Variants in INAVA observed in about 807,000 individuals in gnomAD.
The protein encoded by INAVA is innate immunity activator protein.
A neutral mutation model predicts 55.3 loss-of-function variants in INAVA; 32 were observed. The ratio of observed to expected loss-of-function variants is 0.58; its 90% CI spans 0.44 to 0.78. The LOEUF is 0.78. INAVA is among the 30% of genes least tolerant of loss of function. The probability of loss-of-function intolerance (pLI) is 0.00; values close to 1 mark genes in which losing one functional copy is unlikely to be tolerated. For missense variants in INAVA, 756 were observed against 786.4 expected (o/e 0.96, Z 0.46); for synonymous variants, 294 against 329.4 (o/e 0.89, Z 1.16).
rs897646225 is a variant in INAVA at position 200,901,134 on chromosome 1, G to A, written c.495G>A (p.Pro165=). The change falls in exon 5 of 10, where the codon CCG becomes CCA. Residue 165 remains proline, a synonymous_variant. Transcript: ENST00000413687. ...VERRRNSEPP[P]AAALPLGREL... is the part of the protein sequence containing the mutation. ...GGCGGCGCAATAGCGAGCCACCTCC[G>A]GCTGCTGCTCTCCCCCTGGGCCGAG... 7 of 1,525,102 alleles carry A rather than the reference G, an allele frequency of 4.6e-6. No homozygotes were observed. In the Admixed American group the frequency reaches 9.9e-5, roughly 22 times the overall value. 94.5% of individuals were successfully genotyped at this position (1,525,102 alleles called of 1,614,324 possible).
At chr1:200,902,241 G>A (rs1653291751) in intron 5 of INAVA, among the ~76,000 whole-genome samples, 2 of 152,226 alleles carry the variant, frequency 1.3e-5, no homozygotes, top group African/African-American at 4.8e-5. Context: ...GCAGTCATGG[G>A]GAAGCTGGAA....
At chr1:200,894,082 G>A (rs1490414136), upstream of INAVA, among the ~76,000 whole-genome samples, 1 of 152,170 alleles carries the variant, frequency 6.6e-6, no homozygotes, top group Non-Finnish European at 1.5e-5. Flanking sequence ...CCATTTGCTT[G>A]GGGGTCGGTG....
intron 6 of INAVA, 73 bp downstream of exon 6, chr1:200,907,960 G>C: frequency 7.5e-7 from 1 of 1,341,482 alleles, no homozygotes; most frequent in Non-Finnish European, 1.1e-6. Context: ...TGGGCAGTTT[G>C]CTGGTGTGGA....
Position 200,894,964 on chromosome 1 carries a change from G to A in INAVA, c.-218G>A, listed in dbSNP as rs528287576. 6.9e-5 allele frequency: 68 copies of A among 985,740 alleles called. No homozygotes were observed. Among genetic ancestry groups the A allele is most frequent in the African/African-American group, 5.6e-4 (32 of 57,348 alleles). 61.1% of individuals were successfully genotyped at this position (985,740 alleles called of 1,614,324 possible). The stretch of plus-strand genomic sequence containing the variant: ...AGACGGACGGACGGCCAGCAGCTCC[G>A]TCAGCTGGAGAGAGAGCACAGGCCT... On this transcript the variant is annotated 5_prime_UTR_variant, in exon 1 of 10. Coordinates refer to ENST00000413687, the MANE Select transcript of INAVA (RefSeq NM_001142569.3).
upstream of INAVA, among the ~76,000 whole-genome samples, chr1:200,892,900 AT>A (rs1383085600): frequency 1.3e-5 from 2 of 152,230 alleles, no homozygotes; most frequent in Non-Finnish European, 2.9e-5. Flanking sequence ...CAAAGGATCA[AT>A]GCAAACAGTG....
rs751875030 is a variant in INAVA, at chr1:200,911,489, T to G, written c.996T>G (p.Gly332=). 6.2e-7 allele frequency: 1 copy of G among 1,613,236 alleles called. No individual in the cohort carries two copies. Among genetic ancestry groups the G allele is most frequent in the Non-Finnish European group, 8.5e-7 (1 of 1,179,714 alleles). The change falls in exon 9 of 10, where the codon GGT becomes GGG. Residue 332 remains glycine (G), a synonymous_variant. Coordinates refer to ENST00000413687, the MANE Select transcript of INAVA (RefSeq NM_001142569.3). ...DSFRAGPEGR[G]RSAFPRRRPT... ...TCCGGGCGGGTCCTGAGGGCCGAGG[T>G]CGCAGCGCCTTTCCCCGCCGCCGCC...
At chr1:200,913,396 G>T (rs955377584) in intron 9 of INAVA, 141 bp from the exon 10 acceptor site, 65 of 650,734 alleles carry the variant, frequency 1.0e-4, no homozygotes, top group Non-Finnish European at 1.6e-4. Flanking sequence ...GGAGGAAGGG[G>T]CTGAGTGCCA....
chr1:200,899,616 C>T lies in INAVA; in HGVS notation c.180+19C>T, dbSNP rs915109740. The T allele has an allele frequency of 4.3e-6, 7 of 1,610,566 alleles. No homozygotes were observed. The African/African-American group carries it at 8.0e-5, about 18-fold the overall frequency. On this transcript the variant is annotated intron_variant, in intron 3 of 9. Coordinates refer to ENST00000413687, the MANE Select transcript of INAVA (RefSeq NM_001142569.3). ...GGAAGCGGTGAGGCCCCAGCCAGCACACACAAGCATCGGGTTCATCTCAGG... is the reference window on the plus strand; with the variant it reads ...GGAAGCGGTGAGGCCCCAGCCAGCATACACAAGCATCGGGTTCATCTCAGG...
intron 5 of INAVA, 73 bp from the exon 6 acceptor site, chr1:200,907,761 G>C: frequency 5.4e-6 from 7 of 1,295,278 alleles, no homozygotes; most frequent in Non-Finnish European, 7.8e-6. Context: ...GAGCTGCTCA[G>C]CACTGCTGGT....
upstream of INAVA, among the ~76,000 whole-genome samples, chr1:200,892,664 G>A (rs748941281): frequency 1.6e-4 from 25 of 152,190 alleles, no homozygotes; most frequent in Non-Finnish European, 2.6e-4. Context: ...TCCCCGGCCT[G>A]ACTGGAGTGG....
At chr1:200,901,586 T>A (rs530820336) in intron 5 of INAVA, among the ~76,000 whole-genome samples, 1 of 152,270 alleles carries the variant, frequency 6.6e-6, no homozygotes, top group African/African-American at 2.4e-5. Context: ...TGATGTGTAG[T>A]CCCCTGGCCT....
chr1:200,906,698 C>A (rs1056325330), intron 5 of INAVA, among the ~76,000 whole-genome samples: 1 of 152,162 alleles, frequency 6.6e-6, no homozygotes, highest in Non-Finnish European at 1.5e-5. Context: ...GGCCAGCTGG[C>A]CAGACCTTAT....
rs1227020278 is a variant in INAVA, at chr1:200,901,063, CAGG to C, written c.430_432del (p.Glu144del). ...GCGGCAGCGGAAGCACTCCATGCTG[CAGG>C]AGGAGAAGAAGCTGCAGGAGCTCCA... On this transcript the variant is annotated inframe_deletion, in exon 5 of 10. Transcript: ENST00000413687. 12 of 1,543,992 alleles carry C rather than the reference CAGG, an allele frequency of 7.8e-6. No homozygotes were observed. Among genetic ancestry groups the C allele is most frequent in the Admixed American group, 2.0e-5 (1 of 50,972 alleles).
chr1:200,909,141 C>T (rs1163310572), intron 7 of INAVA, 83 bp from the exon 8 acceptor site: 5 of 1,437,760 alleles, frequency 3.5e-6, no homozygotes, highest in Admixed American at 4.8e-5. Flanking sequence ...GAGCCCCTTC[C>T]ACTGCATCCC....
At chr1:200,891,794 GC>G, upstream of INAVA, 1 of 896,760 alleles carries the variant, frequency 1.1e-6, no homozygotes, top group South Asian at 2.4e-5. Flanking sequence ...AGCGGAGGGT[GC>G]CCTACAGGGA....
rs751151214 is a variant in INAVA at position 200,901,098 on chromosome 1, C to T, written c.459C>T (p.Cys153=). The T allele has an allele frequency of 8.9e-5, 137 of 1,536,180 alleles. No individual in the cohort carries two copies. Among genetic ancestry groups the T allele is most frequent in the Non-Finnish European group, 1.2e-4 (133 of 1,145,504 alleles). The change falls in exon 5 of 10, where the codon TGC becomes TGT. Residue 153 remains cysteine (C), a synonymous_variant. Transcript: ENST00000413687. ...EEKKLQELQR[C]LVERRRNSEP... ...AGAAGCTGCAGGAGCTCCAGCGCTG[C>T]CTGGTCGAGCGGCGGCGCAATAGCG...
chr1:200,908,731 G>C lies in INAVA; in HGVS notation c.576G>C (p.Glu192Asp), dbSNP rs1165740948. Residue 192 changes from glutamate to aspartate, a missense_variant and splice_region_variant, in exon 7 of 10, where the codon GAG (glutamate) becomes GAC (aspartate). Around this residue, in one of 2 missense-constraint regions of INAVA, gnomAD observed 639 missense variants for 624.3 expected, o/e 1.02. Coordinates refer to ENST00000413687, the MANE Select transcript of INAVA (RefSeq NM_001142569.3). ...ACCAGGTTTCTTTTACTCCTGCAGA[G>C]GAATCCCAAGTGCCAAAACCTCCTC... Reference protein sequence around the residue: ...SLSDGLLLEEEESQVPKPPPE... With the variant: ...SLSDGLLLEEDESQVPKPPPE... 1 of 1,564,350 alleles carries C rather than the reference G, an allele frequency of 6.4e-7. No homozygotes were observed. Among genetic ancestry groups the C allele is most frequent in the Non-Finnish European group, 8.6e-7 (1 of 1,156,716 alleles).
chr1:200,900,356 G>A, intron 4 of INAVA, 136 bp downstream of exon 4: 1 of 723,384 alleles, frequency 1.4e-6, no homozygotes, highest in Non-Finnish European at 2.3e-6. Flanking sequence ...CTGCCTGTTG[G>A]TGAGAGACAC....
chr1:200,894,938 G>C lies in INAVA; in HGVS notation c.-244G>C, dbSNP rs1482555676. 6 of 985,798 alleles carry C rather than the reference G, an allele frequency of 6.1e-6. No homozygotes were observed. In the South Asian group the frequency reaches 1.9e-4, roughly 31 times the overall value. 61.1% of individuals were successfully genotyped at this position (985,798 alleles called of 1,614,324 possible). A position where few individuals can be genotyped will look rare whatever the true frequency, so the allele number is the denominator to read the frequency against. On this transcript the variant is annotated 5_prime_UTR_variant, in exon 1 of 10. Transcript: ENST00000413687. ...GGACGGCAAGGTAGGCAGGTGAGCC[G>C]AGACGGACGGACGGCCAGCAGCTCC...
Sources: allele counts gnomAD v4.1 joint callset (sites outside exome capture counted in the v4.1 genomes callset), GRCh38; gene constraint gnomAD v4.1.1; regional missense constraint gnomAD v4.1.1; transcripts MANE v1.5; gene names NCBI Gene and HGNC (gene_info 2026-07-23, HGNC 2026-07-21).